Variants in PTPRK observed in about 807,000 individuals in gnomAD.
PTPRK encodes the protein receptor-type tyrosine-protein phosphatase kappa.
In PTPRK, 75 loss-of-function variants were observed where a neutral mutation model predicts 178.0. The observed-to-expected ratio is 0.42, with a 90% CI of 0.35 to 0.51. The LOEUF (loss-of-function observed/expected upper bound fraction) is 0.51, where lower values mean the gene tolerates loss of function less well. Ranked by LOEUF, PTPRK falls within the 20% of genes least tolerant of loss-of-function variation. The pLI, the probability that PTPRK is intolerant of heterozygous loss-of-function variation, is 0.02. For missense variants in PTPRK, 1,441 were observed against 1,797.8 expected, an observed-to-expected ratio of 0.80 and a Z score of 3.59; for synonymous variants, 637 against 620.6, an observed-to-expected ratio of 1.03 and a Z score of -0.39.
chr6:128,309,381 G>A (rs1826907201), intron 3 of PTPRK, among the ~76,000 whole-genome samples: 1 of 152,116 alleles, frequency 6.6e-6, no homozygotes, highest in Non-Finnish European at 1.5e-5. Flanking sequence ...TGGCAGAGAG[G>A]GGTGGGGGAG....
At chr6:128,233,081 C>CT (rs984767553) in intron 5 of PTPRK, among the ~76,000 whole-genome samples, 7 of 152,034 alleles carry the variant, frequency 4.6e-5, no homozygotes, top group African/African-American at 1.4e-4. Context: ...GGAAAATTAT[C>CT]TTTTTTTTCC....
At chr6:128,005,891 G>A in intron 14 of PTPRK, 1 of 497,140 alleles carries the variant, frequency 2.0e-6, no homozygotes, top group East Asian at 3.5e-5. Flanking sequence ...GATAGATAAA[G>A]TTTATAGTTT....
chr6:127,987,515 C>T (rs1021022465), intron 21 of PTPRK, among the ~76,000 whole-genome samples: 1 of 151,974 alleles, frequency 6.6e-6, no homozygotes, highest in Admixed American at 6.6e-5. Flanking sequence ...TATTTTCTTA[C>T]TTCTGTTTAT....
intron 2 of PTPRK, among the ~76,000 whole-genome samples, chr6:128,325,968 AC>A (rs2128323132): frequency 6.6e-6 from 1 of 152,288 alleles, no homozygotes; most frequent in Admixed American, 6.5e-5. Context: ...GCACATAAAC[AC>A]CATGGAATAC....
intron 7 of PTPRK, among the ~76,000 whole-genome samples, chr6:128,093,590 C>T: frequency 1.2e-5 from 1 of 83,082 alleles, no homozygotes. Flanking sequence ...GCAAGAGACT[C>T]TCTCTCAAAA....
chr6:128,199,595 GGGA>G (rs1805542930), intron 6 of PTPRK, among the ~76,000 whole-genome samples: 1 of 150,504 alleles, frequency 6.6e-6, no homozygotes, highest in Non-Finnish European at 1.5e-5. Flanking sequence ...GAGGGAGGGA[GGGA>G]GGGAAAGGGT....
chr6:128,064,390 G>C (rs2114928227), intron 13 of PTPRK, among the ~76,000 whole-genome samples: 1 of 152,258 alleles, frequency 6.6e-6, no homozygotes, highest in African/African-American at 2.4e-5. Context: ...TTCTTTTTAT[G>C]TTTGATTGTC....
intron 1 of PTPRK, among the ~76,000 whole-genome samples, chr6:128,422,983 G>A (rs917624088): frequency 6.6e-6 from 1 of 152,088 alleles, no homozygotes; most frequent in Non-Finnish European, 1.5e-5. Context: ...ACAAAAATTT[G>A]GGAAGTCCAG....
chr6:128,112,514 G>C (rs1051373769), intron 7 of PTPRK, among the ~76,000 whole-genome samples: 4 of 152,054 alleles, frequency 2.6e-5, no homozygotes, highest in Non-Finnish European at 5.9e-5. Flanking sequence ...TCAGCAAAGG[G>C]AAAACACTTA....
At chr6:128,109,265 G>A in intron 7 of PTPRK, among the ~76,000 whole-genome samples, 1 of 152,082 alleles carries the variant, frequency 6.6e-6, no homozygotes, top group East Asian at 1.9e-4. Context: ...AATTAATTAT[G>A]ATTTTCAATG....
intron 6 of PTPRK, among the ~76,000 whole-genome samples, chr6:128,206,406 T>TA (rs60030807): frequency 0.13 from 15,464 of 120,540 alleles, 2,078 homozygotes; most frequent in East Asian, 0.35. Context: ...GGGTGTTCAT[T>TA]AAAAAAAAAA....
At chr6:128,083,550 G>A (rs1785198505) in intron 9 of PTPRK, 165 bp downstream of exon 9, 3 of 411,138 alleles carry the variant, frequency 7.3e-6, no homozygotes, top group African/African-American at 4.1e-5. Flanking sequence ...TTATTTTGAC[G>A]CTTAATTTTG....
intron 2 of PTPRK, among the ~76,000 whole-genome samples, chr6:128,368,790 C>G (rs1835865913): frequency 6.6e-6 from 1 of 152,094 alleles, no homozygotes; most frequent in Admixed American, 6.6e-5. Context: ...GACTAGGTTT[C>G]TACAGTACTC....
At chr6:128,481,648 T>C (rs1367210714) in intron 1 of PTPRK, among the ~76,000 whole-genome samples, 1 of 152,102 alleles carries the variant, frequency 6.6e-6, no homozygotes, top group African/African-American at 2.4e-5. Context: ...ACCTCCCTCT[T>C]TCTTGACCTG....
chr6:128,043,418 C>A (rs775713730), intron 13 of PTPRK, among the ~76,000 whole-genome samples: 3 of 148,744 alleles, frequency 2.0e-5, no homozygotes, highest in Non-Finnish European at 4.5e-5. Flanking sequence ...AGGGCATTGA[C>A]TTAGGTCAAG....
chr6:128,171,583 G>A (rs906837210), intron 7 of PTPRK, among the ~76,000 whole-genome samples: 8 of 151,900 alleles, frequency 5.3e-5, no homozygotes, highest in Admixed American at 3.9e-4. Context: ...TATAACAAAT[G>A]CGTTACTAGT....
At chr6:128,408,361 C>A (rs1841939071) in intron 1 of PTPRK, among the ~76,000 whole-genome samples, 1 of 152,152 alleles carries the variant, frequency 6.6e-6, no homozygotes, top group Admixed American at 6.6e-5. Context: ...GCACTCCAGC[C>A]TGAGCGACAG....
chr6:128,403,644 T>C (rs1170060817), intron 1 of PTPRK, among the ~76,000 whole-genome samples: 1 of 152,102 alleles, frequency 6.6e-6, no homozygotes, highest in Non-Finnish European at 1.5e-5. Flanking sequence ...TTATTCTCTA[T>C]ATGCTATACA....
intron 2 of PTPRK, among the ~76,000 whole-genome samples, chr6:128,358,837 G>T (rs1834314166): frequency 6.6e-6 from 1 of 152,208 alleles, no homozygotes; most frequent in Non-Finnish European, 1.5e-5. Context: ...TTAAGTATCT[G>T]CAGGCAGCAG....
Sources: gnomAD v4.1 joint callset for allele counts (sites outside exome capture counted in the v4.1 genomes callset) on GRCh38, gnomAD v4.1.1 for gene constraint, MANE v1.5 for transcripts, NCBI Gene and HGNC (gene_info 2026-07-23, HGNC 2026-07-21) for gene names.